EPHA5: variants seen among roughly 807,000 people sequenced by gnomAD.
EPHA5 encodes EPH receptor A5, also known as ephrin type-A receptor 5.
Under a neutral mutation model 105.0 loss-of-function variants are expected in EPHA5, and 60 were observed. The ratio of observed to expected loss-of-function variants is 0.57; its 90% CI spans 0.46 to 0.71. The LOEUF is 0.71. EPHA5 is among the 30% of genes least tolerant of loss of function. The pLI is 0.00. For missense variants in EPHA5, 1,218 were observed against 1,274.7 expected (o/e 0.96, Z 0.68); for synonymous variants, 513 against 449.1 (o/e 1.14, Z -1.80).
intron 3 of EPHA5, among the ~76,000 whole-genome samples, chr4:65,598,370 A>G (rs915465519): frequency 6.6e-6 from 1 of 152,186 alleles, no homozygotes; most frequent in East Asian, 1.9e-4. Flanking sequence ...GGTAAAATAA[A>G]TCAACACAAT....
Position 65,489,389 on chromosome 4 carries a change from C to T in EPHA5, c.1402+988G>A, listed in dbSNP as rs368209519. On this transcript the variant is annotated intron_variant, in intron 5 of 16. Transcript: ENST00000613740. ...CTGATTTCATTCAGTCAAACATGTC[C>T]TATTTCTTTGTGAGTACTGGTGGCA... Among the ~76,000 whole-genome samples, 24 of 152,224 alleles carry T rather than the reference C, an allele frequency of 1.6e-4. No homozygotes were observed. In the East Asian group the frequency reaches 3.5e-3, roughly 22 times the overall value.
chr4:65,428,320 A>G (rs1016211244), intron 5 of EPHA5, among the ~76,000 whole-genome samples: 3 of 152,136 alleles, frequency 2.0e-5, no homozygotes, highest in Admixed American at 6.5e-5. Context: ...AATTTTATAT[A>G]CTTACATACT....
At chr4:65,561,893 A>G (rs967537073) in intron 3 of EPHA5, among the ~76,000 whole-genome samples, 5 of 152,118 alleles carry the variant, frequency 3.3e-5, no homozygotes, top group African/African-American at 1.2e-4. Flanking sequence ...GCAGCTCTCA[A>G]TACAGAAGAA....
At chr4:65,546,411 T>A (rs1358255040) in intron 3 of EPHA5, among the ~76,000 whole-genome samples, 2 of 152,036 alleles carry the variant, frequency 1.3e-5, no homozygotes, top group Admixed American at 6.6e-5. Context: ...GTGGATATGC[T>A]CAGTATTGCC....
intron 6 of EPHA5, among the ~76,000 whole-genome samples, chr4:65,416,405 C>A (rs971626505): frequency 6.6e-6 from 1 of 151,960 alleles, no homozygotes; most frequent in Non-Finnish European, 1.5e-5. Flanking sequence ...GCATGTACCA[C>A]CAAGCGTAAT....
At chr4:65,640,996 A>G (rs957067159) in intron 2 of EPHA5, among the ~76,000 whole-genome samples, 10 of 152,166 alleles carry the variant, frequency 6.6e-5, no homozygotes, top group Non-Finnish European at 1.0e-4. Context: ...AAATCAGACA[A>G]TTGCCTCTCT....
At chr4:65,522,825 T>G (rs1360782973) in intron 3 of EPHA5, among the ~76,000 whole-genome samples, 1 of 152,012 alleles carries the variant, frequency 6.6e-6, no homozygotes, top group Non-Finnish European at 1.5e-5. Flanking sequence ...TTACTACAGT[T>G]AAAATGGTTC....
intron 11 of EPHA5, 127 bp from the exon 12 acceptor site, chr4:65,353,230 A>T (rs1194513563): frequency 1.1e-5 from 2 of 189,578 alleles, no homozygotes; most frequent in African/African-American, 5.1e-5. Flanking sequence ...AAATATTTAA[A>T]TAAAAATATT....
At chr4:65,664,260 A>C (rs937565406) in intron 1 of EPHA5, among the ~76,000 whole-genome samples, 5 of 151,930 alleles carry the variant, frequency 3.3e-5, no homozygotes, top group African/African-American at 1.2e-4. Context: ...GATTTTCAAC[A>C]TCTAATAATT....
chr4:65,426,812 G>T (rs150783411), intron 5 of EPHA5, among the ~76,000 whole-genome samples: 7 of 151,870 alleles, frequency 4.6e-5, no homozygotes, highest in African/African-American at 1.7e-4. Context: ...TTTAATTTCA[G>T]TATAAATGTC....
intron 14 of EPHA5, among the ~76,000 whole-genome samples, chr4:65,345,871 C>T (rs1477773995): frequency 1.3e-5 from 2 of 151,966 alleles, no homozygotes; most frequent in Non-Finnish European, 2.9e-5. Flanking sequence ...CTCCCGGGTT[C>T]ATGCCATTCT....
At chr4:65,558,563 T>C (rs1578420024) in intron 3 of EPHA5, among the ~76,000 whole-genome samples, 1 of 152,188 alleles carries the variant, frequency 6.6e-6, no homozygotes, top group East Asian at 1.9e-4. Context: ...TTAATTATAC[T>C]TTAAGTTTTA....
chr4:65,637,945 A>G (rs1160647620), intron 2 of EPHA5, among the ~76,000 whole-genome samples: 1 of 152,166 alleles, frequency 6.6e-6, no homozygotes, highest in Admixed American at 6.5e-5. Flanking sequence ...AAAGTATTGC[A>G]GGTGCAATGA....
chr4:65,347,453 A>T (rs989233184), intron 14 of EPHA5, among the ~76,000 whole-genome samples: 23 of 152,326 alleles, frequency 1.5e-4, no homozygotes, highest in African/African-American at 5.3e-4. Context: ...GGCATCACAT[A>T]ATAAACGCTG....
Position 65,669,831 on chromosome 4 carries a change from C to T in EPHA5, c.-89G>A. ...GAGCGGCGAAGGGAGACTCGGGAGT[C>T]CTCCTTGTCCCCCCTTGGGGTCCTA... On this transcript the variant is annotated 5_prime_UTR_variant, in exon 1 of 17. Coordinates refer to ENST00000613740, the MANE Select transcript of EPHA5 (RefSeq NM_001281766.3). 1 of 1,232,996 alleles carries T rather than the reference C, an allele frequency of 8.1e-7. No individual in the cohort carries two copies. Among genetic ancestry groups the T allele is most frequent in the Non-Finnish European group, 1.0e-6 (1 of 988,834 alleles). The allele number at this position is 1,232,996 out of a possible 1,614,324, so 76.4% of individuals were successfully genotyped here.
intron 3 of EPHA5, among the ~76,000 whole-genome samples, chr4:65,535,274 A>C (rs966684382): frequency 1.3e-5 from 2 of 152,128 alleles, no homozygotes; most frequent in East Asian, 3.9e-4. Context: ...CCTTGTCATG[A>C]TTAACGATCC....
chr4:65,628,379 A>T (rs1746335895), intron 2 of EPHA5, among the ~76,000 whole-genome samples: 1 of 152,084 alleles, frequency 6.6e-6, no homozygotes, highest in Admixed American at 6.6e-5. Flanking sequence ...AAAATTACTG[A>T]TGATTGGTTA....
chr4:65,462,558 G>A (rs145969267), intron 5 of EPHA5, among the ~76,000 whole-genome samples: 2 of 152,186 alleles, frequency 1.3e-5, no homozygotes, highest in South Asian at 2.1e-4. Context: ...CAGGAGTCTG[G>A]GGCTTCAGTG....
At chr4:65,434,987 G>A (rs1725340928) in intron 5 of EPHA5, among the ~76,000 whole-genome samples, 1 of 152,082 alleles carries the variant, frequency 6.6e-6, no homozygotes, top group South Asian at 2.1e-4. Flanking sequence ...AGACACCACA[G>A]AAATATAGGT....
Sources: allele counts gnomAD v4.1 joint callset (sites outside exome capture counted in the v4.1 genomes callset), GRCh38; gene constraint gnomAD v4.1.1; transcripts MANE v1.5; gene names NCBI Gene and HGNC (gene_info 2026-07-23, HGNC 2026-07-21).